Variants in FBXW7 observed in about 807,000 individuals in gnomAD.
FBXW7 encodes the protein F-box and WD repeat domain containing 7, also known as F-box/WD repeat-containing protein 7.
Under a neutral mutation model 86.3 loss-of-function variants are expected in FBXW7, and 11 were observed. That is an observed-to-expected ratio of 0.13 (90% CI 0.08 to 0.21). The LOEUF (loss-of-function observed/expected upper bound fraction) is 0.21, where lower values mean the gene tolerates loss of function less well. Ranked by LOEUF, FBXW7 falls within the 10% of genes least tolerant of loss-of-function variation. FBXW7 has a pLI of 1.00. For missense variants in FBXW7, 488 were observed against 847.4 expected, an observed-to-expected ratio of 0.58 and a Z score of 5.27; for synonymous variants, 313 against 297.9, an observed-to-expected ratio of 1.05 and a Z score of -0.52.
At chr4:152,510,268 A>C (rs1187020948) in intron 2 of FBXW7, among the ~76,000 whole-genome samples, 1 of 152,214 alleles carries the variant, frequency 6.6e-6, no homozygotes, top group Admixed American at 6.5e-5. Flanking sequence ...TTCTTCTTTC[A>C]AGTAAAGTTA....
intron 6 of FBXW7, 76 bp from the exon 7 acceptor site, chr4:152,338,012 T>C: frequency 3.5e-6 from 5 of 1,439,928 alleles, no homozygotes; most frequent in Non-Finnish European, 3.8e-6. Flanking sequence ...AAAACTCACA[T>C]CTACACACAA....
chr4:152,465,940 G>A (rs957378402), intron 2 of FBXW7, among the ~76,000 whole-genome samples: 4 of 150,798 alleles, frequency 2.7e-5, no homozygotes, highest in African/African-American at 9.7e-5. Context: ...CAACTAACAA[G>A]AATATCAGTG....
chr4:152,328,708 T>C (rs1434147972), intron 10 of FBXW7: 1 of 172,978 alleles, frequency 5.8e-6, no homozygotes, highest in Non-Finnish European at 1.2e-5. Flanking sequence ...TTTGATGAAA[T>C]AATACTGAAA....
At chr4:152,520,191 T>G (rs1037937398) in intron 2 of FBXW7, among the ~76,000 whole-genome samples, 1 of 151,374 alleles carries the variant, frequency 6.6e-6, no homozygotes, top group Admixed American at 6.6e-5. Context: ...CCCAGCACTT[T>G]GGGAGGCCGA....
chr4:152,386,245 T>A (rs1735518184), intron 4 of FBXW7, among the ~76,000 whole-genome samples: 1 of 151,962 alleles, frequency 6.6e-6, no homozygotes, highest in African/African-American at 2.4e-5. Context: ...GGCAGTGCAA[T>A]ATGATAGGTA....
chr4:152,497,342 A>AC (rs1560969534), intron 2 of FBXW7, among the ~76,000 whole-genome samples: 2 of 101,118 alleles, frequency 2.0e-5, no homozygotes, highest in Admixed American at 1.0e-4. Flanking sequence ...AAAAAAAAAA[A>AC]CCACACACAC....
intron 7 of FBXW7, among the ~76,000 whole-genome samples, chr4:152,336,663 C>A (rs1452060078): frequency 6.6e-6 from 1 of 151,914 alleles, no homozygotes; most frequent in East Asian, 1.9e-4. Flanking sequence ...TTAGAATGAG[C>A]CAGCAAAAAT....
rs2126877615 is a variant in FBXW7, at chr4:152,411,408, G to A, written c.396C>T (p.Ser132=). Residue 132 remains serine, a synonymous_variant, in exon 4 of 14, where the codon AGC becomes AGT. Coordinates refer to ENST00000281708, the MANE Select transcript of FBXW7 (RefSeq NM_001349798.2). The part of the protein sequence containing the change: ...SDDFDQSDDS[S]REDEHTHTNS... ...TAGTATGTGTATGTTCATCTTCTCTGCTACTATCATCAGACTGATCAAAAT... is the reference window on the plus strand; with the variant it reads ...TAGTATGTGTATGTTCATCTTCTCTACTACTATCATCAGACTGATCAAAAT... 1.2e-6 allele frequency: 2 copies of A among 1,613,584 alleles called. No individual in the cohort carries two copies. The highest frequency in any genetic ancestry group is 2.2e-5 in the East Asian group (1 of 44,816).
intron 4 of FBXW7, among the ~76,000 whole-genome samples, chr4:152,404,269 C>T (rs1285495383): frequency 6.6e-6 from 1 of 152,082 alleles, no homozygotes; most frequent in Non-Finnish European, 1.5e-5. Context: ...TCAAAAAAGA[C>T]CACATAGAAT....
chr4:152,479,007 C>T (rs1372839270), intron 2 of FBXW7, among the ~76,000 whole-genome samples: 1 of 151,944 alleles, frequency 6.6e-6, no homozygotes, highest in Admixed American at 6.6e-5. Context: ...GATTAAAGAA[C>T]TAAAATAGGC....
chr4:152,435,276 T>G (rs919114263), intron 2 of FBXW7, among the ~76,000 whole-genome samples: 3 of 152,360 alleles, frequency 2.0e-5, no homozygotes, highest in South Asian at 2.1e-4. Flanking sequence ...AAATACTTCC[T>G]TGATCCTTTC....
chr4:152,395,956 T>A (rs1579085843), intron 4 of FBXW7, among the ~76,000 whole-genome samples: 1 of 152,000 alleles, frequency 6.6e-6, no homozygotes, highest in East Asian at 1.9e-4. Context: ...AATCTGAAAT[T>A]CCAATGAATT....
chr4:152,330,715 G>C lies in FBXW7; in HGVS notation c.1122+17C>G, dbSNP rs2126533569. On this transcript the variant is annotated intron_variant, in intron 9 of 13. Coordinates refer to ENST00000281708, the MANE Select transcript of FBXW7 (RefSeq NM_001349798.2). ...ACTGATTAACGGTTTCTGTTACATT[G>C]TGCAGAGTTCAGTTACCTTAGGAGA... 1 of 1,609,494 alleles carries C rather than the reference G, an allele frequency of 6.2e-7. No individual in the cohort carries two copies. The highest frequency in any genetic ancestry group is 2.2e-5 in the East Asian group (1 of 44,740).
intron 4 of FBXW7, among the ~76,000 whole-genome samples, chr4:152,366,483 T>C (rs759903031): frequency 1.3e-5 from 2 of 152,176 alleles, no homozygotes; most frequent in Non-Finnish European, 2.9e-5. Flanking sequence ...ACCTCCATTT[T>C]ACTGACAAGA....
intron 2 of FBXW7, among the ~76,000 whole-genome samples, chr4:152,468,296 G>A (rs1039422966): frequency 6.6e-6 from 1 of 150,966 alleles, no homozygotes; most frequent in African/African-American, 2.4e-5. Flanking sequence ...ACTCAAAAAC[G>A]TATCTACACA....
chr4:152,432,656 A>C (rs1179758533), intron 2 of FBXW7, among the ~76,000 whole-genome samples: 1 of 152,052 alleles, frequency 6.6e-6, no homozygotes, highest in African/African-American at 2.4e-5. Flanking sequence ...AAAACACAAA[A>C]AAAAAATTAG....
chr4:152,500,496 C>CAAAAAAA (rs34375454), intron 2 of FBXW7, among the ~76,000 whole-genome samples: 3 of 73,088 alleles, frequency 4.1e-5, no homozygotes, highest in African/African-American at 1.4e-4. Flanking sequence ...GCTTTGTCAG[C>CAAAAAAA]AAAAAAAAAA....
At chr4:152,373,818 A>G (rs1220247830) in intron 4 of FBXW7, among the ~76,000 whole-genome samples, 6 of 152,026 alleles carry the variant, frequency 3.9e-5, no homozygotes, top group Admixed American at 3.9e-4. Context: ...TCATTTGTGC[A>G]TGGGCATGGG....
At chr4:152,337,701 A>C in intron 7 of FBXW7, 101 bp downstream of exon 7, 1 of 1,252,214 alleles carries the variant, frequency 8.0e-7, no homozygotes, top group Non-Finnish European at 1.1e-6. Flanking sequence ...CAAACTGACA[A>C]TACCGAATAC....
Sources: allele counts gnomAD v4.1 joint callset (sites outside exome capture counted in the v4.1 genomes callset), GRCh38; gene constraint gnomAD v4.1.1; transcripts MANE v1.5; gene names NCBI Gene and HGNC (gene_info 2026-07-23, HGNC 2026-07-21).